DLGAP2: variants seen among roughly 807,000 people sequenced by gnomAD.
DLGAP2 encodes disks large-associated protein 2.
A neutral mutation model predicts 100.3 loss-of-function variants in DLGAP2; 26 were observed. That is an observed-to-expected ratio of 0.26 (90% CI 0.19 to 0.36). The LOEUF (loss-of-function observed/expected upper bound fraction) is 0.36. DLGAP2 is among the 10% of genes least tolerant of loss of function. The pLI, the probability that DLGAP2 is intolerant of heterozygous loss-of-function variation, is 1.00. For synonymous variants in DLGAP2, 886 were observed against 630.1 expected, an observed-to-expected ratio of 1.41 and a Z score of -6.08; for missense variants, 1,858 against 1,453.2, an observed-to-expected ratio of 1.28 and a Z score of -4.53.
chr8:932,922 C>A (rs919528212), intron 2 of DLGAP2, among the ~76,000 whole-genome samples: 2 of 152,144 alleles, frequency 1.3e-5, no homozygotes, highest in Non-Finnish European at 1.5e-5. Flanking sequence ...TCCCCCTTTC[C>A]CCTCGATCTT....
In DLGAP2 at chr8:1,642,009, T is replaced by C. The variant is rs2469738; in HGVS notation, c.1810+8963T>C. Reference sequence around the variant, plus strand: ...CCTGTGTCACCCTCGACCCCGCTGGTCCTCACCTGTGTCACCCTCGACCCT... The same window carrying C: ...CCTGTGTCACCCTCGACCCCGCTGGCCCTCACCTGTGTCACCCTCGACCCT... On this transcript the variant is annotated intron_variant, in intron 8 of 14. Coordinates refer to ENST00000637795, the MANE Select transcript of DLGAP2 (RefSeq NM_001346810.2). 6.9e-3 allele frequency among the ~76,000 whole-genome samples: 154 copies of C among 22,172 alleles called. 7 individuals carry two copies. Among genetic ancestry groups the C allele is most frequent in the African/African-American group, 0.013 (25 of 1,916 alleles). The allele number at this position is 22,172 out of a possible 152,430, so 14.5% of individuals were successfully genotyped here. A position where few individuals can be genotyped will look rare whatever the true frequency, so the allele number is the denominator to read the frequency against.
chr8:1,615,657 G>A (rs752605345), intron 6 of DLGAP2, among the ~76,000 whole-genome samples: 3 of 142,238 alleles, frequency 2.1e-5, no homozygotes, highest in Non-Finnish European at 4.5e-5. Context: ...TCTTATGAAT[G>A]ATATAAAAAT....
intron 1 of DLGAP2, among the ~76,000 whole-genome samples, chr8:799,736 A>G (rs1044200598): frequency 6.6e-6 from 1 of 152,096 alleles, no homozygotes; most frequent in African/African-American, 2.4e-5. Context: ...AGCTGGGACC[A>G]TGGGTGCACG....
chr8:795,168 A>C (rs1272450892), intron 1 of DLGAP2, among the ~76,000 whole-genome samples: 1 of 152,212 alleles, frequency 6.6e-6, no homozygotes, highest in East Asian at 1.9e-4. Context: ...CACCGTGAAC[A>C]CTGAACCCTT....
At chr8:1,025,852 CT>C (rs1020016879) in intron 2 of DLGAP2, among the ~76,000 whole-genome samples, 4 of 152,178 alleles carry the variant, frequency 2.6e-5, no homozygotes, top group African/African-American at 9.7e-5. Context: ...GCCCTGGCTT[CT>C]GTGTGTACTG....
intron 3 of DLGAP2, chr8:1,297,132 T>C (rs777401511): frequency 1.3e-5 from 2 of 152,248 alleles, no homozygotes; most frequent in Admixed American, 1.3e-4. Context: ...TTTCGTGAAG[T>C]TGGGGAGAGG....
chr8:1,243,968 G>C (rs542180465), intron 2 of DLGAP2, among the ~76,000 whole-genome samples: 2 of 151,944 alleles, frequency 1.3e-5, no homozygotes, highest in African/African-American at 4.8e-5. Flanking sequence ...CCCAGCCTCC[G>C]CACTCCACCA....
intron 2 of DLGAP2, among the ~76,000 whole-genome samples, chr8:942,888 C>G (rs368857168): frequency 6.6e-6 from 1 of 152,344 alleles, no homozygotes; most frequent in East Asian, 1.9e-4. Flanking sequence ...TGCAGGCTCC[C>G]AAAACTCCCT....
rs1045198088 is a variant in DLGAP2, at chr8:1,668,564, C to T, written c.2046C>T (p.Ala682=). 1 of 1,591,530 alleles carries T rather than the reference C, an allele frequency of 6.3e-7. No individual in the cohort carries two copies. Among genetic ancestry groups the T allele is most frequent in the Non-Finnish European group, 8.5e-7 (1 of 1,170,484 alleles). Residue 682 remains alanine, a synonymous_variant, in exon 9 of 15, where the codon GCC becomes GCT. Coordinates refer to ENST00000637795, the MANE Select transcript of DLGAP2 (RefSeq NM_001346810.2). ...ACCTCGCGCTGGAAACGGCCGCTGC[C>T]CAGCGCCACCTGCCAGAGAGCCAGA... ...AMNLALETAA[A]QRHLPESQSS...
chr8:1,443,136 G>T (rs1031650990), intron 3 of DLGAP2, among the ~76,000 whole-genome samples: 3 of 152,122 alleles, frequency 2.0e-5, no homozygotes, highest in Admixed American at 6.5e-5. Context: ...AAAGTTTTAT[G>T]TTATGAAAGT....
At chr8:1,094,827 A>T (rs114489189) in intron 2 of DLGAP2, among the ~76,000 whole-genome samples, 2,620 of 152,306 alleles carry the variant, frequency 0.017, 64 homozygotes, top group African/African-American at 0.06. Context: ...GAATGTACTG[A>T]GAGTATACAG....
chr8:1,706,984 T>C lies in DLGAP2; in HGVS notation c.*5578T>C, dbSNP rs1799725720. The C allele has an allele frequency of 6.5e-6, 1 of 152,680 alleles. No individual in the cohort carries two copies. Among genetic ancestry groups the C allele is most frequent in the Non-Finnish European group, 1.5e-5 (1 of 68,054 alleles). The allele number at this position is 152,680 out of a possible 1,614,324, so 9.5% of individuals were successfully genotyped here. On this transcript the variant is annotated 3_prime_UTR_variant, in exon 15 of 15. Transcript: ENST00000637795. ...ATTGCTGTCCTAACCCTGGCGTTTT[T>C]ATCCAGTGTTAAAATAAATTATTTC...
chr8:1,030,153 T>G (rs1183256792), intron 2 of DLGAP2, among the ~76,000 whole-genome samples: 1 of 152,238 alleles, frequency 6.6e-6, no homozygotes, highest in Non-Finnish European at 1.5e-5. Flanking sequence ...CCTCCTCCTC[T>G]TACAACAGTC....
intron 3 of DLGAP2, among the ~76,000 whole-genome samples, chr8:1,419,238 T>C (rs1797025941): frequency 6.8e-6 from 1 of 147,778 alleles, no homozygotes; most frequent in South Asian, 2.1e-4. Flanking sequence ...GTGTGTAGGT[T>C]TTGTTTTCCT....
chr8:1,278,116 G>A (rs187366559), intron 3 of DLGAP2, among the ~76,000 whole-genome samples: 2 of 152,164 alleles, frequency 1.3e-5, no homozygotes, highest in Admixed American at 6.6e-5. Flanking sequence ...CTCACGCCAG[G>A]TCAGGTGAGG....
intron 3 of DLGAP2, among the ~76,000 whole-genome samples, chr8:1,327,938 C>A (rs1201742966): frequency 6.6e-6 from 1 of 152,160 alleles, no homozygotes; most frequent in Non-Finnish European, 1.5e-5. Flanking sequence ...TGTACAAGAC[C>A]ACAGGGATTG....
chr8:1,117,381 A>C (rs1279031087), intron 2 of DLGAP2, among the ~76,000 whole-genome samples: 4 of 152,228 alleles, frequency 2.6e-5, no homozygotes, highest in African/African-American at 9.6e-5. Context: ...CAAGAAATTG[A>C]AGCCAAAGGT....
chr8:1,661,708 G>A (rs1798412918), intron 8 of DLGAP2, among the ~76,000 whole-genome samples: 2 of 152,304 alleles, frequency 1.3e-5, no homozygotes, highest in East Asian at 3.9e-4. Flanking sequence ...GGAGCTCCAT[G>A]ATGCTATCTG....
intron 5 of DLGAP2, among the ~76,000 whole-genome samples, chr8:1,558,894 A>G (rs1311877121): frequency 1.3e-5 from 2 of 152,128 alleles, no homozygotes; most frequent in Admixed American, 6.5e-5. Flanking sequence ...ACACACACAC[A>G]CGGCTTAAAG....
Sources: gnomAD v4.1 joint callset for allele counts (sites outside exome capture counted in the v4.1 genomes callset) on GRCh38, gnomAD v4.1.1 for gene constraint, MANE v1.5 for transcripts, NCBI Gene and HGNC (gene_info 2026-07-23, HGNC 2026-07-21) for gene names.